The following TBC1D32 variants were observed in gnomAD, a reference collection of about 807,000 sequenced individuals.
The protein encoded by TBC1D32 is TBC1 domain family member 32.
In TBC1D32, 151 loss-of-function variants were observed where a neutral mutation model predicts 170.3. The ratio of observed to expected loss-of-function variants is 0.89; its 90% CI spans 0.78 to 1.01. The LOEUF (loss-of-function observed/expected upper bound fraction) is 1.01, where lower values mean the gene tolerates loss of function less well. Among genes scored for constraint, TBC1D32 ranks in the 50% least tolerant of loss-of-function variants. The probability of loss-of-function intolerance (pLI) is 0.00; values close to 1 mark genes in which losing one functional copy is unlikely to be tolerated. For synonymous variants in TBC1D32, 498 were observed against 488.0 expected (o/e 1.02, Z -0.27); for missense variants, 1,464 against 1,457.1 (o/e 1.00, Z -0.08).
At chr6:121,176,153 T>C (rs1232516077) in intron 22 of TBC1D32, among the ~76,000 whole-genome samples, 2 of 151,720 alleles carry the variant, frequency 1.3e-5, no homozygotes, top group African/African-American at 4.8e-5. Context: ...AAGTGAAAAA[T>C]GAGTTTTAAC....
At chr6:121,245,192 T>C (rs1311539021) in intron 17 of TBC1D32, among the ~76,000 whole-genome samples, 7 of 152,166 alleles carry the variant, frequency 4.6e-5, no homozygotes, top group Admixed American at 2.6e-4. Context: ...ATTAAGACTA[T>C]CTACAATCAA....
At chr6:121,246,519 G>A (rs1178769595) in intron 17 of TBC1D32, among the ~76,000 whole-genome samples, 1 of 151,932 alleles carries the variant, frequency 6.6e-6, no homozygotes, top group Non-Finnish European at 1.5e-5. Flanking sequence ...CCCAGCAATG[G>A]ATCCAAACCA....
At chr6:121,269,497 G>T (rs527926390) in intron 15 of TBC1D32, among the ~76,000 whole-genome samples, 8 of 152,176 alleles carry the variant, frequency 5.3e-5, no homozygotes, top group African/African-American at 1.9e-4. Context: ...AACCAACAAA[G>T]ATCAGAAGAG....
chr6:121,192,895 CCT>C (rs2128289308), intron 22 of TBC1D32, among the ~76,000 whole-genome samples: 1 of 152,272 alleles, frequency 6.6e-6, no homozygotes, highest in South Asian at 2.1e-4. Context: ...GATGGCCTCC[CCT>C]GAGACAGTTG....
In TBC1D32 at chr6:121,111,462, G is replaced by A. The variant is rs866984334; in HGVS notation, c.3324+1043C>T. Among the ~76,000 whole-genome samples, 150 of 152,146 alleles carry A rather than the reference G, an allele frequency of 9.9e-4. 1 individual carries two copies. Among genetic ancestry groups the A allele is most frequent in the African/African-American group, 3.4e-3 (142 of 41,450 alleles). ...TTGAAAGTGAAAAAGAGAAAAGGCT[G>A]TTAGATTTTTTAAAATCTTCAAGTA... On this transcript the variant is annotated intron_variant, in intron 29 of 31. Coordinates refer to ENST00000398212, the MANE Select transcript of TBC1D32 (RefSeq NM_152730.6).
chr6:121,182,639 A>G (rs1181223319), intron 22 of TBC1D32, among the ~76,000 whole-genome samples: 2 of 152,076 alleles, frequency 1.3e-5, no homozygotes, highest in Non-Finnish European at 2.9e-5. Context: ...CATAATATTA[A>G]GGCTAGGTTT....
chr6:121,204,466 A>T (rs983268421), intron 22 of TBC1D32, among the ~76,000 whole-genome samples: 3 of 151,294 alleles, frequency 2.0e-5, no homozygotes, highest in African/African-American at 4.9e-5. Flanking sequence ...AAATTTCCTT[A>T]ATTCACCTGC....
intron 20 of TBC1D32, among the ~76,000 whole-genome samples, chr6:121,227,885 C>T (rs1030702845): frequency 6.6e-6 from 1 of 152,098 alleles, no homozygotes; most frequent in African/African-American, 2.4e-5. Context: ...CTTTCTCCTA[C>T]AAATGTTTCA....
At chr6:121,267,276 C>A (rs1280116178) in intron 15 of TBC1D32, among the ~76,000 whole-genome samples, 1 of 152,104 alleles carries the variant, frequency 6.6e-6, no homozygotes, top group Non-Finnish European at 1.5e-5. Context: ...GCTTGTCGTA[C>A]ACTGGGTGCA....
At chr6:121,291,114 C>T (rs139124004) in intron 12 of TBC1D32, among the ~76,000 whole-genome samples, 4,913 of 151,300 alleles carry the variant, frequency 0.032, 190 homozygotes, top group East Asian at 0.12. Flanking sequence ...CTAACCTGCA[C>T]GTTGTGCACA....
At position 121,113,192 on chromosome 6, in the gene TBC1D32, C is replaced by A; in HGVS notation, c.3054-15G>T. On this transcript the variant is annotated splice_polypyrimidine_tract_variant and intron_variant, in intron 27 of 31. Transcript: ENST00000398212. Reference sequence around the variant, plus strand: ...ATTTGCCATACCTATATTAAAAGCCCACAAAACATAAAACATATCAGGTCT... The same window carrying A: ...ATTTGCCATACCTATATTAAAAGCCAACAAAACATAAAACATATCAGGTCT... The A allele has an allele frequency of 6.5e-7, 1 of 1,534,988 alleles. No homozygotes were observed. Among genetic ancestry groups the A allele is most frequent in the Non-Finnish European group, 8.9e-7 (1 of 1,124,238 alleles).
In TBC1D32 at chr6:121,133,915, A is replaced by T. The variant is rs189030467; in HGVS notation, c.2774-2163T>A. On this transcript the variant is annotated intron_variant, in intron 24 of 31. Coordinates refer to ENST00000398212, the MANE Select transcript of TBC1D32 (RefSeq NM_152730.6). ...ATCAAAAGAGAAAATGATTCTTTTT[A>T]ATAAAAACACTTAAAACTATAAACT... Among the ~76,000 whole-genome samples the T allele has an allele frequency of 1.4e-3, 216 of 152,164 alleles. 3 individuals carry two copies. The highest frequency in any genetic ancestry group is 9.6e-4 in the Non-Finnish European group (65 of 67,960).
intron 22 of TBC1D32, among the ~76,000 whole-genome samples, chr6:121,185,650 C>T (rs1789102743): frequency 6.6e-6 from 1 of 152,042 alleles, no homozygotes; most frequent in African/African-American, 2.4e-5. Context: ...AGGGTGATTA[C>T]ATTAAAAATG....
chr6:121,190,073 GACACACACACACACACACACACACACAC>G (rs533974518), intron 22 of TBC1D32, among the ~76,000 whole-genome samples: 8 of 63,732 alleles, frequency 1.3e-4, no homozygotes, highest in South Asian at 1.1e-3. Flanking sequence ...GCCCAATACA[GACACACACACACACACACACACACACAC>G]ACACACACAC....
At chr6:121,141,518 G>A (rs575036088) in intron 24 of TBC1D32, among the ~76,000 whole-genome samples, 1 of 152,190 alleles carries the variant, frequency 6.6e-6, no homozygotes, top group East Asian at 1.9e-4. Context: ...CTCAAAGGAA[G>A]ATACCAAATG....
At chr6:121,195,716 C>A (rs1300966776) in intron 22 of TBC1D32, among the ~76,000 whole-genome samples, 1 of 152,124 alleles carries the variant, frequency 6.6e-6, no homozygotes, top group Non-Finnish European at 1.5e-5. Context: ...GATCAGTTGA[C>A]AGAGGAAGGG....
intron 31 of TBC1D32, among the ~76,000 whole-genome samples, chr6:121,085,448 T>A (rs1314211868): frequency 6.6e-6 from 1 of 150,806 alleles, no homozygotes; most frequent in Non-Finnish European, 1.5e-5. Context: ...TCTTCCACTA[T>A]GTTCCTTCTG....
At chr6:121,312,052 C>A (rs1206322050) in intron 3 of TBC1D32, among the ~76,000 whole-genome samples, 2 of 152,130 alleles carry the variant, frequency 1.3e-5, no homozygotes, top group East Asian at 1.9e-4. Flanking sequence ...ATGTCCTTTG[C>A]AGGGACTTGG....
At chr6:121,277,674 A>G (rs1410438274) in intron 15 of TBC1D32, among the ~76,000 whole-genome samples, 1 of 151,688 alleles carries the variant, frequency 6.6e-6, no homozygotes, top group Non-Finnish European at 1.5e-5. Flanking sequence ...ATAAAAAAAG[A>G]AAAGAGCTAA....
Sources: allele counts gnomAD v4.1 joint callset (sites outside exome capture counted in the v4.1 genomes callset), GRCh38; gene constraint gnomAD v4.1.1; transcripts MANE v1.5; gene names NCBI Gene and HGNC (gene_info 2026-07-23, HGNC 2026-07-21).